Variants in DYNLL1 observed in about 807,000 individuals in gnomAD.
The protein encoded by DYNLL1 is dynein light chain 1, cytoplasmic.
A neutral mutation model predicts 10.1 loss-of-function variants in DYNLL1; 3 were observed. The ratio of observed to expected loss-of-function variants is 0.30; its 90% CI spans 0.14 to 0.77. The LOEUF is 0.77. DYNLL1 is among the 30% of genes least tolerant of loss of function. The probability of loss-of-function intolerance (pLI) is 0.66; values close to 1 mark genes in which losing one functional copy is unlikely to be tolerated. For synonymous variants in DYNLL1, 46 were observed against 41.2 expected (o/e 1.12, Z -0.45); for missense variants, 47 against 111.7 (o/e 0.42, Z 2.61).
At chr12:120,491,060 G>A (rs142567427) in intron 1 of DYNLL1, 3 of 152,518 alleles carry the variant, frequency 2.0e-5, no homozygotes, top group East Asian at 1.9e-4. Flanking sequence ...TGGCTTAGTA[G>A]GGACAGATGC....
chr12:120,491,713 C>T (rs1344351834), upstream of DYNLL1: 1 of 152,224 alleles, frequency 6.6e-6, no homozygotes, highest in Non-Finnish European at 1.5e-5. Context: ...AGTAACAACT[C>T]TGAAGGGCTT....
intron 1 of DYNLL1, among the ~76,000 whole-genome samples, chr12:120,481,404 G>A (rs1404945595): frequency 6.6e-6 from 1 of 152,112 alleles, no homozygotes; most frequent in Non-Finnish European, 1.5e-5. Context: ...AGGTGCCCCA[G>A]CTACCCACAT....
At chr12:120,471,901 G>A (rs1304552482) in intron 1 of DYNLL1, among the ~76,000 whole-genome samples, 3 of 152,010 alleles carry the variant, frequency 2.0e-5, no homozygotes, top group Admixed American at 6.6e-5. Context: ...GTGAGCCACC[G>A]CGCCCAGCTG....
intron 1 of DYNLL1, among the ~76,000 whole-genome samples, chr12:120,479,162 T>TA (rs1878821467): frequency 7.2e-6 from 1 of 138,832 alleles, no homozygotes. Flanking sequence ...AGTCTCCGTG[T>TA]AAAAAATAAT....
rs114039741 is a variant in DYNLL1, at chr12:120,480,822, C to A, written c.-7+10718C>A. Among the ~76,000 whole-genome samples the A allele has an allele frequency of 5.6e-3, 845 of 150,808 alleles. 8 individuals are homozygous for A. Among genetic ancestry groups the A allele is most frequent in the African/African-American group, 0.02 (822 of 41,108 alleles). On this transcript the variant is annotated intron_variant, in intron 1 of 2. Coordinates refer to the DYNLL1 transcript ENST00000392509. ...TGTTGCCCAGGCTGGAGTCGTGGCT[C>A]CATCTTGGCTCACTGCAAGCTCCGC...
intron 1 of DYNLL1, among the ~76,000 whole-genome samples, chr12:120,478,623 G>A (rs1011912138): frequency 1.1e-4 from 17 of 148,778 alleles, no homozygotes; most frequent in African/African-American, 2.7e-4. Flanking sequence ...AGGCTGAGGC[G>A]GGCAGATCAC....
intron 2 of DYNLL1, chr12:120,497,829 CTTT>C: frequency 2.0e-6 from 1 of 509,766 alleles, no homozygotes; most frequent in Non-Finnish European, 3.5e-6. Flanking sequence ...AACACCCTGT[CTTT>C]AGGGCTGACC....
chr12:120,484,846 C>T (rs573583309), intron 1 of DYNLL1, among the ~76,000 whole-genome samples: 2 of 151,788 alleles, frequency 1.3e-5, no homozygotes, highest in South Asian at 2.1e-4. Context: ...TGGGTTCAAG[C>T]GATTCTCCTG....
At chr12:120,497,841 C>A (rs1868505125) in intron 2 of DYNLL1, 1 of 530,774 alleles carries the variant, frequency 1.9e-6, no homozygotes, top group Non-Finnish European at 3.3e-6. Flanking sequence ...TTAGGGCTGA[C>A]CTTTCGTCCT....
At chr12:120,493,273 C>G (rs1879179539), upstream of DYNLL1, among the ~76,000 whole-genome samples, 1 of 152,242 alleles carries the variant, frequency 6.6e-6, no homozygotes, top group African/African-American at 2.4e-5. Context: ...TGCGATGGCT[C>G]ACGCCTGTAA....
chr12:120,491,665 G>A (rs1465056917), upstream of DYNLL1: 1 of 152,288 alleles, frequency 6.6e-6, no homozygotes, highest in Non-Finnish European at 1.5e-5. Flanking sequence ...GGTGAGGAGA[G>A]CTGCAGACCC....
intron 1 of DYNLL1, among the ~76,000 whole-genome samples, chr12:120,470,391 CTT>C (rs1054245990): frequency 6.6e-6 from 1 of 152,118 alleles, no homozygotes; most frequent in Non-Finnish European, 1.5e-5. Flanking sequence ...CACCTTGGCA[CTT>C]ACTTTTCCAC....
At position 120,496,186 on chromosome 12, in the gene DYNLL1, C is replaced by T. The variant is rs1593007600; in HGVS notation, c.-37C>T. 2 of 625,762 alleles carry T rather than the reference C, an allele frequency of 3.2e-6. No homozygotes were observed. Among genetic ancestry groups the T allele is most frequent in the South Asian group, 1.9e-5 (1 of 51,332 alleles). The allele number at this position is 625,762 out of a possible 1,614,324, so 38.8% of individuals were successfully genotyped here. The stretch of plus-strand genomic sequence containing the variant: ...CTGTGCTAGCACCTCCCCCAGGAGA[C>T]CGTTGCAGTCGGCCAGCCCCCTTCT... On this transcript the variant is annotated 5_prime_UTR_variant, in exon 1 of 3. Transcript: ENST00000242577.
chr12:120,497,917 T>TG (rs1868509700), intron 2 of DYNLL1, 156 bp from the exon 3 acceptor site: 2 of 703,018 alleles, frequency 2.8e-6, no homozygotes. Context: ...TAATGTACTA[T>TG]GTAGGCGGCT....
chr12:120,470,965 A>C (rs187314661), intron 1 of DYNLL1, among the ~76,000 whole-genome samples: 1 of 152,274 alleles, frequency 6.6e-6, no homozygotes, highest in Admixed American at 6.5e-5. Context: ...GAATTGCTTG[A>C]GCCCGGGAGG....
intron 1 of DYNLL1, 68 bp from the exon 2 acceptor site, chr12:120,496,348 G>C (rs1868397959): frequency 1.3e-6 from 2 of 1,599,210 alleles, no homozygotes; most frequent in Non-Finnish European, 1.7e-6. Context: ...CGCCGGCCGG[G>C]GTGGGGGCAG....
intron 1 of DYNLL1, among the ~76,000 whole-genome samples, chr12:120,479,312 G>A (rs1878825127): frequency 6.6e-6 from 1 of 150,694 alleles, no homozygotes; most frequent in African/African-American, 2.4e-5. Flanking sequence ...AAATTAGACG[G>A]GCATGGTGGC....
Position 120,498,231 on chromosome 12 carries a change from A to G in DYNLL1, c.*21A>G. ...GTTAAAAGCATGGACTGTGCCACAC[A>G]CCCAGTGATCCATCCAAAAACAAGG... On this transcript the variant is annotated 3_prime_UTR_variant, in exon 3 of 3. Coordinates refer to ENST00000242577, the MANE Select transcript of DYNLL1 (RefSeq NM_003746.3). 1.2e-6 allele frequency: 2 copies of G among 1,602,682 alleles called. No individual in the cohort carries two copies. Among genetic ancestry groups the G allele is most frequent in the Non-Finnish European group, 1.7e-6 (2 of 1,177,614 alleles).
Position 120,496,876 on chromosome 12 carries a change from AG to A in DYNLL1, c.132+329del, listed in dbSNP as rs1305481083. 33 of 296,708 alleles carry A rather than the reference AG, an allele frequency of 1.1e-4. No individual in the cohort carries two copies. The South Asian group carries it at 1.3e-3, about 11-fold the overall frequency. The allele number at this position is 296,708 out of a possible 1,614,324, so 18.4% of individuals were successfully genotyped here. On this transcript the variant is annotated intron_variant, in intron 2 of 2. Coordinates refer to ENST00000242577, the MANE Select transcript of DYNLL1 (RefSeq NM_003746.3). ...CCGAGGATCCATCTGGGTGTTCCGGAGGGGGGAGCTGCGTGGGTGTTTCCAG... is the reference window on the plus strand; with the variant it reads ...CCGAGGATCCATCTGGGTGTTCCGGAGGGGGAGCTGCGTGGGTGTTTCCAG...
Sources: allele counts gnomAD v4.1 joint callset (sites outside exome capture counted in the v4.1 genomes callset), GRCh38; gene constraint gnomAD v4.1.1; transcripts MANE v1.5; gene names NCBI Gene and HGNC (gene_info 2026-07-23, HGNC 2026-07-21).